CD200: variants seen among roughly 807,000 people sequenced by gnomAD.
The protein encoded by CD200 is OX-2 membrane glycoprotein.
CD200 carries 15 observed loss-of-function variants against 30.9 expected under a neutral mutation model. The observed-to-expected ratio is 0.49, with a 90% CI of 0.32 to 0.75. CD200 has a LOEUF of 0.75. CD200 is among the 30% of genes least tolerant of loss of function. The pLI is 0.03. For missense variants in CD200, 262 were observed against 324.2 expected (o/e 0.81, Z 1.47); for synonymous variants, 134 against 126.2 (o/e 1.06, Z -0.41).
intron 1 of CD200, chr3:112,333,880 T>C: frequency 1.0e-6 from 1 of 985,438 alleles, no homozygotes. Context: ...AGACATTTTG[T>C]TTATTCGGAA....
In CD200 at chr3:112,362,705, T is replaced by C. The variant is rs1429767152; in HGVS notation, c.*1155T>C. The C allele has an allele frequency of 4.9e-5, 2 of 40,794 alleles. No individual in the cohort carries two copies. The highest frequency in any genetic ancestry group is 4.3e-4 in the Admixed American group (1 of 2,348). The allele number at this position is 40,794 out of a possible 1,614,324, so 2.5% of individuals were successfully genotyped here. A position where few individuals can be genotyped will look rare whatever the true frequency, so the allele number is the denominator to read the frequency against. ...AGTGTAAGTTGTTTTCGCTGTTAAA[T>C]TGGATATTTATATATATATATAGCA... On this transcript the variant is annotated 3_prime_UTR_variant, in exon 6 of 6. Transcript: ENST00000315711.
intron 5 of CD200, among the ~76,000 whole-genome samples, chr3:112,357,784 C>G (rs2081655294): frequency 6.6e-6 from 1 of 152,124 alleles, no homozygotes; most frequent in African/African-American, 2.4e-5. Context: ...GTAACAGAAC[C>G]AATTTTACCA....
Position 112,340,926 on chromosome 3 carries a change from C to CT in CD200, c.38dup (p.Ser14ValfsTer26), listed in dbSNP as rs1384558321. On this transcript the variant is annotated frameshift_variant, in exon 2 of 6. Transcript: ENST00000315711. LOFTEE classifies it high-confidence loss of function. ...GGTGATCAGGATGCCCTTCTCTCAT[C>CT]TGTCTACCTACAGCCTGGTTTGGGT... 1.2e-6 allele frequency: 2 copies of CT among 1,611,108 alleles called. No individual in the cohort carries two copies. The highest frequency in any genetic ancestry group is 2.2e-5 in the South Asian group (2 of 90,964).
chr3:112,334,512 AT>A (rs1188086360), intron 1 of CD200, among the ~76,000 whole-genome samples: 2 of 152,300 alleles, frequency 1.3e-5, no homozygotes, highest in South Asian at 4.1e-4. Flanking sequence ...TAAGAGCAAC[AT>A]TTATTTAGTG....
intron 1 of CD200, among the ~76,000 whole-genome samples, chr3:112,335,345 C>T (rs1347897279): frequency 6.6e-6 from 1 of 152,110 alleles, no homozygotes; most frequent in Non-Finnish European, 1.5e-5. Flanking sequence ...TGTTATTAGT[C>T]TTAGACCTAT....
intron 1 of CD200, among the ~76,000 whole-genome samples, chr3:112,339,716 G>A (rs2081195835): frequency 6.6e-6 from 1 of 152,230 alleles, no homozygotes; most frequent in African/African-American, 2.4e-5. Flanking sequence ...AGAAAGCCTT[G>A]TAGAATTTTC....
chr3:112,358,425 T>C (rs537888601), intron 5 of CD200, among the ~76,000 whole-genome samples: 1 of 152,212 alleles, frequency 6.6e-6, no homozygotes, highest in South Asian at 2.1e-4. Context: ...GTGCGTATAC[T>C]GAAATGAACT....
intron 5 of CD200, among the ~76,000 whole-genome samples, chr3:112,351,940 G>A (rs1286484260): frequency 6.6e-6 from 1 of 152,068 alleles, no homozygotes; most frequent in Non-Finnish European, 1.5e-5. Context: ...GCTCTCATGG[G>A]AACTAACAGA....
chr3:112,332,911 G>A (rs374795878), upstream of CD200: 4 of 404,456 alleles, frequency 9.9e-6, no homozygotes, highest in Non-Finnish European at 1.8e-5. Flanking sequence ...CAGGAAAATG[G>A]AAAAAAAAAA....
intron 2 of CD200, among the ~76,000 whole-genome samples, chr3:112,342,349 CTTTCTTTCT>C (rs1559783288): frequency 0.12 from 4,404 of 37,738 alleles, 991 homozygotes; most frequent in East Asian, 0.15. Context: ...TTCTTTCTTT[CTTTCTTTCT>C]TTCTTTCTTT....
At position 112,362,726 on chromosome 3, in the gene CD200, T is replaced by TAC. The variant is rs1026001238; in HGVS notation, c.*1177_*1178insCA. ...TAAATTGGATATTTATATATATATA[T>TAC]AGCAAGATTTTCATGTGTTATTTAA... On this transcript the variant is annotated 3_prime_UTR_variant, in exon 6 of 6. Transcript: ENST00000315711. 5 of 152,230 alleles carry TAC rather than the reference T, an allele frequency of 3.3e-5. No homozygotes were observed. Among genetic ancestry groups the TAC allele is most frequent in the African/African-American group, 7.3e-5 (3 of 41,336 alleles). 9.4% of individuals were successfully genotyped at this position (152,230 alleles called of 1,614,324 possible).
Position 112,345,187 on chromosome 3 carries a change from C to T in CD200, c.320C>T (p.Thr107Ile). 1 of 1,614,068 alleles carries T rather than the reference C, an allele frequency of 6.2e-7. No individual in the cohort carries two copies. The highest frequency in any genetic ancestry group is 8.5e-7 in the Non-Finnish European group (1 of 1,179,926). ...TQLGLQNSTI[T>I]FWNITLEDEG... ...CTGGGACTCCAAAACTCAACCATCACCTTCTGGAATATCACCCTGGAGGAT... is the reference window on the plus strand; with the variant it reads ...CTGGGACTCCAAAACTCAACCATCATCTTCTGGAATATCACCCTGGAGGAT... The change falls in exon 3 of 6, where the codon ACC (threonine) becomes ATC (isoleucine). Residue 107 changes from threonine to isoleucine, a missense_variant. Physicochemically the swap from Thr to Ile is moderately conservative, Grantham distance 89. Transcript: ENST00000315711.
intron 1 of CD200, among the ~76,000 whole-genome samples, chr3:112,338,824 C>A (rs2081176311): frequency 6.6e-6 from 1 of 152,012 alleles, no homozygotes; most frequent in African/African-American, 2.4e-5. Flanking sequence ...AATTTTTAAA[C>A]CAACAAAACT....
chr3:112,354,055 A>T (rs1001761071), intron 5 of CD200, among the ~76,000 whole-genome samples: 3 of 152,188 alleles, frequency 2.0e-5, no homozygotes, highest in Non-Finnish European at 4.4e-5. Context: ...GACATACATA[A>T]TCTTATCACA....
intron 5 of CD200, among the ~76,000 whole-genome samples, chr3:112,358,741 T>C (rs191378284): frequency 2.3e-3 from 346 of 152,322 alleles, no homozygotes; most frequent in Admixed American, 3.9e-3. Flanking sequence ...GTTTTGCATC[T>C]AGTTTCTCCT....
intron 3 of CD200, among the ~76,000 whole-genome samples, chr3:112,346,573 T>C (rs1420455208): frequency 6.6e-6 from 1 of 152,162 alleles, no homozygotes; most frequent in African/African-American, 2.4e-5. Flanking sequence ...TATTCATGTT[T>C]TTTCATTTCT....
chr3:112,360,746 T>C (rs940733527), intron 5 of CD200, among the ~76,000 whole-genome samples: 1 of 152,150 alleles, frequency 6.6e-6, no homozygotes, highest in African/African-American at 2.4e-5. Flanking sequence ...AAATTCCAAG[T>C]CTTTTACTTC....
Position 112,362,717 on chromosome 3 carries a change from A to ATG in CD200, c.*1168_*1169insGT, listed in dbSNP as rs2081763262. The stretch of plus-strand genomic sequence containing the variant: ...TTTCGCTGTTAAATTGGATATTTAT[A>ATG]TATATATATAGCAAGATTTTCATGT... On this transcript the variant is annotated 3_prime_UTR_variant, in exon 6 of 6. Coordinates refer to ENST00000315711, the MANE Select transcript of CD200 (RefSeq NM_005944.7). The ATG allele has an allele frequency of 6.6e-6, 1 of 152,120 alleles. No individual in the cohort carries two copies. 9.4% of individuals were successfully genotyped at this position (152,120 alleles called of 1,614,324 possible). A position where few individuals can be genotyped will look rare whatever the true frequency, so the allele number is the denominator to read the frequency against.
chr3:112,350,848 A>G (rs780971033), intron 5 of CD200, among the ~76,000 whole-genome samples: 3 of 151,972 alleles, frequency 2.0e-5, no homozygotes, highest in African/African-American at 7.3e-5. Context: ...GTTTTTGTTC[A>G]TGTTTCAAGT....
Sources: gnomAD v4.1 joint callset for allele counts (sites outside exome capture counted in the v4.1 genomes callset) on GRCh38, gnomAD v4.1.1 for gene constraint, MANE v1.5 for transcripts, NCBI Gene and HGNC (gene_info 2026-07-23, HGNC 2026-07-21) for gene names.